Variants in ACTL6B observed in about 807,000 individuals in gnomAD.
The protein encoded by ACTL6B is actin-like protein 6B.
ACTL6B carries 48 observed loss-of-function variants against 63.3 expected under a neutral mutation model. The observed-to-expected ratio is 0.76, with a 90% CI of 0.60 to 0.96. ACTL6B has a LOEUF of 0.96. ACTL6B is among the 50% of genes least tolerant of loss of function. ACTL6B has a pLI of 0.00. For synonymous variants in ACTL6B, 230 were observed against 223.8 expected, an observed-to-expected ratio of 1.03 and a Z score of -0.25; for missense variants, 350 against 572.2, an observed-to-expected ratio of 0.61 and a Z score of 3.96.
Position 100,647,538 on chromosome 7 carries a change from G to A in ACTL6B, c.670-5C>T. On this transcript the variant is annotated splice_region_variant and splice_polypyrimidine_tract_variant and intron_variant, in intron 7 of 13. Coordinates refer to ENST00000160382, the MANE Select transcript of ACTL6B (RefSeq NM_016188.5). The surrounding 1 kb of genome is among the most constrained non-coding windows in gnomAD (Gnocchi z 4.4). ...GGCACCCTCCCGGACAGGCTCCTGT[G>A]GGGGCACAGTGTAGGAACACCCTTT... 4.4e-6 allele frequency: 7 copies of A among 1,589,170 alleles called. No homozygotes were observed. Among genetic ancestry groups the A allele is most frequent in the Non-Finnish European group, 6.0e-6 (7 of 1,167,712 alleles).
Position 100,648,798 on chromosome 7 carries a change from G to A in ACTL6B, c.493C>T (p.Leu165Phe), listed in dbSNP as rs767096340. ...TAFANGRSTG[L>F]VLDSGATHTT... ...TGGGTGGCTCCACTGTCCAGCACGA[G>A]GCCAGTGGACCGCCCGTTTGCAAAG... Residue 165 changes from leucine (L) to phenylalanine (F), a missense_variant, in exon 6 of 14, where the codon CTC becomes TTC. Physicochemically the swap from Leu to Phe is conservative, Grantham distance 22. Coordinates refer to ENST00000160382, the MANE Select transcript of ACTL6B (RefSeq NM_016188.5). The surrounding 1 kb of genome is among the most constrained non-coding windows in gnomAD (Gnocchi z 4.4). The A allele has an allele frequency of 6.2e-7, 1 of 1,613,896 alleles. No homozygotes were observed. The highest frequency in any genetic ancestry group is 8.5e-7 in the Non-Finnish European group (1 of 1,179,952).
At chr7:100,643,421 C>T in intron 13 of ACTL6B, 95 bp from the exon 14 acceptor site, 1 of 1,329,332 alleles carries the variant, frequency 7.5e-7, no homozygotes, top group South Asian at 1.2e-5. Flanking sequence ...CAGGCCCCAA[C>T]CACCCCTTGG....
intron 13 of ACTL6B, among the ~76,000 whole-genome samples, chr7:100,645,695 G>A (rs920768161): frequency 4.6e-5 from 7 of 150,874 alleles, no homozygotes; most frequent in Admixed American, 1.3e-4. Flanking sequence ...GCAGTGGCAC[G>A]ATCTCAGCTC....
chr7:100,647,902 A>G lies in ACTL6B; in HGVS notation c.670-369T>C, dbSNP rs556326065. On this transcript the variant is annotated intron_variant, in intron 7 of 13. Transcript: ENST00000160382. The surrounding 1 kb of genome is among the most constrained non-coding windows in gnomAD (Gnocchi z 4.4). Reference sequence around the variant, plus strand: ...CTACTGCCTACTGCCGTTCCACTTTACATAAGACAAACCTGAGGCCCAGGG... The same window carrying G: ...CTACTGCCTACTGCCGTTCCACTTTGCATAAGACAAACCTGAGGCCCAGGG... Among the ~76,000 whole-genome samples the G allele has an allele frequency of 1.3e-5, 2 of 151,448 alleles. No individual in the cohort carries two copies. The highest frequency in any genetic ancestry group is 6.6e-5 in the Admixed American group (1 of 15,224).
Position 100,648,538 on chromosome 7 carries a change from T to A in ACTL6B, c.669+18A>T, listed in dbSNP as rs377101454. ...GGCCAGGACTCTAGTGGCAGCTCCATGTCCCCAGAGGCCCCACCTTGGCTG... is the reference window on the plus strand; with the variant it reads ...GGCCAGGACTCTAGTGGCAGCTCCAAGTCCCCAGAGGCCCCACCTTGGCTG... On this transcript the variant is annotated intron_variant, in intron 7 of 13. Transcript: ENST00000160382. The surrounding 1 kb of genome is among the most constrained non-coding windows in gnomAD (Gnocchi z 4.4). The A allele has an allele frequency of 5.1e-6, 8 of 1,571,816 alleles. No homozygotes were observed. Among genetic ancestry groups the A allele is most frequent in the Non-Finnish European group, 6.9e-6 (8 of 1,158,404 alleles).
Position 100,647,516 on chromosome 7 carries a change from A to T in ACTL6B, c.687T>A (p.Gly229=). The change falls in exon 8 of 14, where the codon GGT becomes GGA. Residue 229 remains glycine, a synonymous_variant. Transcript: ENST00000160382. The surrounding 1 kb of genome is among the most constrained non-coding windows in gnomAD (Gnocchi z 4.4). ...CCTTCTTCTTCCAGTTTGGGGGGGC[A>T]CCCTCCCGGACAGGCTCCTGTGGGG... ...MIAAKEPVRE[G]APPNWKKKEK... The T allele has an allele frequency of 6.2e-7, 1 of 1,602,724 alleles. No homozygotes were observed. The highest frequency in any genetic ancestry group is 8.5e-7 in the Non-Finnish European group (1 of 1,174,482).
At chr7:100,654,329 G>C (rs577719325) in intron 4 of ACTL6B, among the ~76,000 whole-genome samples, 2 of 151,000 alleles carry the variant, frequency 1.3e-5, no homozygotes, top group Admixed American at 6.6e-5. Context: ...ATATTGCCTA[G>C]GGTGGTCTCA....
At chr7:100,652,234 TAA>T (rs1803953193) in intron 4 of ACTL6B, among the ~76,000 whole-genome samples, 6 of 151,540 alleles carry the variant, frequency 4.0e-5, no homozygotes, top group Admixed American at 2.0e-4. Flanking sequence ...CCGCCTCTAC[TAA>T]AAATACAAAA....
Position 100,648,684 on chromosome 7 carries a change from G to C in ACTL6B, c.563-22C>G, listed in dbSNP as rs1457437215. 3 of 1,613,256 alleles carry C rather than the reference G, an allele frequency of 1.9e-6. No individual in the cohort carries two copies. Among genetic ancestry groups the C allele is most frequent in the East Asian group, 4.5e-5 (2 of 44,854 alleles). Reference sequence around the variant, plus strand: ...ATGCCTAGAAGGAAGGCACTGTCAGGACCTGGTCCTCCTGGAGCACCCCCA... The same window carrying C: ...ATGCCTAGAAGGAAGGCACTGTCAGCACCTGGTCCTCCTGGAGCACCCCCA... On this transcript the variant is annotated intron_variant, in intron 6 of 13. Transcript: ENST00000160382. The surrounding 1 kb of genome is among the most constrained non-coding windows in gnomAD (Gnocchi z 4.4).
In ACTL6B at chr7:100,646,174, G is replaced by A; in HGVS notation, c.1200+75C>T. The A allele has an allele frequency of 7.9e-7, 1 of 1,272,384 alleles. No individual in the cohort carries two copies. Among genetic ancestry groups the A allele is most frequent in the East Asian group, 2.4e-5 (1 of 41,714 alleles). 78.8% of individuals were successfully genotyped at this position (1,272,384 alleles called of 1,614,324 possible). A position where few individuals can be genotyped will look rare whatever the true frequency, so the allele number is the denominator to read the frequency against. On this transcript the variant is annotated intron_variant, in intron 13 of 13. Coordinates refer to ENST00000160382, the MANE Select transcript of ACTL6B (RefSeq NM_016188.5). This position sits in a 1 kb window ranked among gnomAD's most constrained non-coding sequence, Gnocchi z 6.1. ...GAATGAATGAATGAACGAAGAGGCA[G>A]TCAAAGTGGCGGGCACTGTCTGGGT...
At chr7:100,652,868 G>A (rs1328033122) in intron 4 of ACTL6B, among the ~76,000 whole-genome samples, 1 of 150,952 alleles carries the variant, frequency 6.6e-6, no homozygotes, top group Non-Finnish European at 1.5e-5. Flanking sequence ...GGGCGTGGTG[G>A]CACGCACCTG....
chr7:100,648,373 C>A lies in ACTL6B; in HGVS notation c.669+183G>T. The A allele has an allele frequency of 1.8e-6, 1 of 569,486 alleles. No individual in the cohort carries two copies. The highest frequency in any genetic ancestry group is 3.0e-6 in the Non-Finnish European group (1 of 329,226). The allele number at this position is 569,486 out of a possible 1,614,324, so 35.3% of individuals were successfully genotyped here. On this transcript the variant is annotated intron_variant, in intron 7 of 13. Coordinates refer to ENST00000160382, the MANE Select transcript of ACTL6B (RefSeq NM_016188.5). The surrounding 1 kb of genome is among the most constrained non-coding windows in gnomAD (Gnocchi z 4.4). ...GCTGTCTGCCAGCTGGTTTCATGAC[C>A]TCAGCATATCCCTCAGCCTGTCTGG...
chr7:100,645,838 G>T (rs1354623848), intron 13 of ACTL6B, among the ~76,000 whole-genome samples: 1 of 152,080 alleles, frequency 6.6e-6, no homozygotes, highest in African/African-American at 2.4e-5. Context: ...CGTCATGTTG[G>T]CCAGGCTGGT....
chr7:100,647,650 C>G lies in ACTL6B; in HGVS notation c.670-117G>C. 1 of 739,916 alleles carries G rather than the reference C, an allele frequency of 1.4e-6. No homozygotes were observed. Among genetic ancestry groups the G allele is most frequent in the Admixed American group, 2.8e-5 (1 of 35,858 alleles). 45.8% of individuals were successfully genotyped at this position (739,916 alleles called of 1,614,324 possible). A position where few individuals can be genotyped will look rare whatever the true frequency, so the allele number is the denominator to read the frequency against. On this transcript the variant is annotated intron_variant, in intron 7 of 13. Transcript: ENST00000160382. The surrounding 1 kb of genome is among the most constrained non-coding windows in gnomAD (Gnocchi z 4.4). ...GGCGCTGCAGGCTCTGCTGTGCTGC[C>G]TGCAAGAGGGGTTTCTCACCCTTCC...
Position 100,646,413 on chromosome 7 carries a change from T to C in ACTL6B, c.1114-78A>G, listed in dbSNP as rs1354298104. 1.9e-6 allele frequency: 3 copies of C among 1,568,046 alleles called. No homozygotes were observed. The highest frequency in any genetic ancestry group is 2.7e-5 in the African/African-American group (2 of 73,842). On this transcript the variant is annotated intron_variant, in intron 12 of 13. Transcript: ENST00000160382. This position sits in a 1 kb window ranked among gnomAD's most constrained non-coding sequence, Gnocchi z 6.1. ...CAGGGCTTGGGGGAGAGGGGAAGAC[T>C]TGGGAAGCCACAGGGGCAGGGGTTC... is the stretch of plus-strand genomic sequence containing the variant.
Position 100,648,538 on chromosome 7 carries a change from T to C in ACTL6B, c.669+18A>G, listed in dbSNP as rs377101454. 108 of 1,571,814 alleles carry C rather than the reference T, an allele frequency of 6.9e-5. No individual in the cohort carries two copies. The African/African-American group carries it at 1.3e-3, about 19-fold the overall frequency. On this transcript the variant is annotated intron_variant, in intron 7 of 13. Coordinates refer to ENST00000160382, the MANE Select transcript of ACTL6B (RefSeq NM_016188.5). This position sits in a 1 kb window ranked among gnomAD's most constrained non-coding sequence, Gnocchi z 4.4. ...GGCCAGGACTCTAGTGGCAGCTCCA[T>C]GTCCCCAGAGGCCCCACCTTGGCTG...
rs1562847909 is a variant in ACTL6B, at chr7:100,646,336, C to A, written c.1114-1G>T. The A allele has an allele frequency of 6.2e-7, 1 of 1,613,702 alleles. No homozygotes were observed. Among genetic ancestry groups the A allele is most frequent in the Non-Finnish European group, 8.5e-7 (1 of 1,179,866 alleles). ...TGGCAATGAGTTTCAGTCGCATGCT[C>A]TGGGGGTAAAAAGGGGCTGGGGGAA... On this transcript the variant is annotated splice_acceptor_variant, in intron 12 of 13. Transcript: ENST00000160382. LOFTEE classifies it high-confidence loss of function. The surrounding 1 kb of genome is among the most constrained non-coding windows in gnomAD (Gnocchi z 6.1).
chr7:100,653,862 G>C (rs1176341120), intron 4 of ACTL6B, among the ~76,000 whole-genome samples: 1 of 152,104 alleles, frequency 6.6e-6, no homozygotes, highest in East Asian at 1.9e-4. Flanking sequence ...TGTAGTATTA[G>C]AGATATGGAA....
At position 100,646,693 on chromosome 7, in the gene ACTL6B, C is replaced by A; in HGVS notation, c.1018-47G>T. ...GAGCTGCGGGGGCAGCCCCCCAACCCCGTCTCCCCACTTCCCCTGGGCCCC... is the reference window on the plus strand; with the variant it reads ...GAGCTGCGGGGGCAGCCCCCCAACCACGTCTCCCCACTTCCCCTGGGCCCC... On this transcript the variant is annotated intron_variant, in intron 11 of 13. Coordinates refer to ENST00000160382, the MANE Select transcript of ACTL6B (RefSeq NM_016188.5). The surrounding 1 kb of genome is among the most constrained non-coding windows in gnomAD (Gnocchi z 6.1). 1 of 1,613,296 alleles carries A rather than the reference C, an allele frequency of 6.2e-7. No homozygotes were observed. The highest frequency in any genetic ancestry group is 8.5e-7 in the Non-Finnish European group (1 of 1,179,684).
Sources: gnomAD v4.1 joint callset for allele counts (sites outside exome capture counted in the v4.1 genomes callset) on GRCh38, gnomAD v4.1.1 for gene constraint, Gnocchi (gnomAD v3.1) non-coding constraint, MANE v1.5 for transcripts, NCBI Gene and HGNC (gene_info 2026-07-23, HGNC 2026-07-21) for gene names.